Variants in SLBP observed in about 807,000 individuals in gnomAD.
The protein encoded by SLBP is stem-loop histone mRNA binding protein.
A neutral mutation model predicts 39.2 loss-of-function variants in SLBP; 29 were observed. That is an observed-to-expected ratio of 0.74 (90% CI 0.55 to 1.01). The LOEUF (loss-of-function observed/expected upper bound fraction) is 1.01. Ranked by LOEUF, SLBP falls within the 50% of genes least tolerant of loss-of-function variation. SLBP has a pLI of 0.00. For synonymous variants in SLBP, 129 were observed against 118.7 expected (o/e 1.09, Z -0.57); for missense variants, 390 against 350.2 (o/e 1.11, Z -0.91).
rs142859508 is a variant in SLBP at position 1,693,484 on chromosome 4, G to C, written c.*113C>G. 2 of 697,630 alleles carry C rather than the reference G, an allele frequency of 2.9e-6. No homozygotes were observed. Among genetic ancestry groups the C allele is most frequent in the Non-Finnish European group, 5.2e-6 (2 of 383,000 alleles). 43.2% of individuals were successfully genotyped at this position (697,630 alleles called of 1,614,324 possible). A position where few individuals can be genotyped will look rare whatever the true frequency, so the allele number is the denominator to read the frequency against. On this transcript the variant is annotated 3_prime_UTR_variant, in exon 8 of 8. Coordinates refer to ENST00000489418, the MANE Select transcript of SLBP (RefSeq NM_006527.4). Reference sequence around the variant, plus strand: ...CAAAAATAATTCAGCATGAGCTAATGGACTGCTAACAGAGAAACCACCAGG... The same window carrying C: ...CAAAAATAATTCAGCATGAGCTAATCGACTGCTAACAGAGAAACCACCAGG...
At chr4:1,710,376 T>C (rs1208643934) in intron 2 of SLBP, among the ~76,000 whole-genome samples, 1 of 152,216 alleles carries the variant, frequency 6.6e-6, no homozygotes, top group African/African-American at 2.4e-5. Context: ...ATGGCCCCAA[T>C]CAACAGCGTT....
intron 5 of SLBP, among the ~76,000 whole-genome samples, chr4:1,698,956 A>G (rs1716225895): frequency 1.3e-5 from 2 of 151,582 alleles, no homozygotes; most frequent in Non-Finnish European, 2.9e-5. Context: ...CACCTGGCTA[A>G]TTTTTAAATT....
intron 5 of SLBP, among the ~76,000 whole-genome samples, chr4:1,697,135 G>C (rs1471154612): frequency 7.4e-6 from 1 of 134,316 alleles, no homozygotes; most frequent in Non-Finnish European, 1.5e-5. Context: ...CTCCAGTCTG[G>C]TCAACAGAGC....
chr4:1,696,172 T>A, intron 6 of SLBP, 30 bp downstream of exon 6: 1 of 1,549,228 alleles, frequency 6.5e-7, no homozygotes, highest in Non-Finnish European at 8.7e-7. Flanking sequence ...AATCAGAGAA[T>A]CACAGGACAA....
Position 1,693,278 on chromosome 4 carries a change from T to G in SLBP, c.*319A>C. On this transcript the variant is annotated 3_prime_UTR_variant, in exon 8 of 8. Coordinates refer to ENST00000489418, the MANE Select transcript of SLBP (RefSeq NM_006527.4). The stretch of plus-strand genomic sequence containing the variant: ...CCACCTGACAAGCAATAACTGAAGA[T>G]GCCTGTGGAAAACCAGTTATGTAGA... 1 of 233,626 alleles carries G rather than the reference T, an allele frequency of 4.3e-6. No homozygotes were observed. The highest frequency in any genetic ancestry group is 6.8e-5 in the South Asian group (1 of 14,658). The allele number at this position is 233,626 out of a possible 1,614,324, so 14.5% of individuals were successfully genotyped here. A position where few individuals can be genotyped will look rare whatever the true frequency, so the allele number is the denominator to read the frequency against.
chr4:1,711,523 T>G (rs1716769230), intron 2 of SLBP, among the ~76,000 whole-genome samples: 1 of 152,164 alleles, frequency 6.6e-6, no homozygotes, highest in South Asian at 2.1e-4. Context: ...AGGTAAGCCC[T>G]GTCAACTCAC....
At chr4:1,695,686 C>G (rs777959898) in intron 6 of SLBP, among the ~76,000 whole-genome samples, 8 of 152,034 alleles carry the variant, frequency 5.3e-5, no homozygotes, top group South Asian at 2.1e-4. Flanking sequence ...GAGGCTGAGG[C>G]AGGAGAACCA....
chr4:1,704,042 C>T (rs531162368), intron 2 of SLBP, among the ~76,000 whole-genome samples: 15 of 152,168 alleles, frequency 9.9e-5, no homozygotes, highest in African/African-American at 3.1e-4. Context: ...GGCTGTCTTA[C>T]TAGAGCAGAA....
intron 5 of SLBP, among the ~76,000 whole-genome samples, chr4:1,697,507 C>T (rs1366071066): frequency 6.6e-6 from 1 of 151,690 alleles, no homozygotes; most frequent in Non-Finnish European, 1.5e-5. Context: ...TGAGATCCTA[C>T]AAAATGAACA....
At chr4:1,710,344 C>T (rs1021186144) in intron 2 of SLBP, among the ~76,000 whole-genome samples, 1 of 152,236 alleles carries the variant, frequency 6.6e-6, no homozygotes, top group African/African-American at 2.4e-5. Flanking sequence ...GCTGCTCCAG[C>T]CCATCTTCTC....
chr4:1,707,543 G>C (rs907776240), intron 2 of SLBP, among the ~76,000 whole-genome samples: 5 of 151,898 alleles, frequency 3.3e-5, no homozygotes, highest in Admixed American at 6.6e-5. Context: ...TTAAGGCTTC[G>C]AGCCCCAAAT....
At chr4:1,697,435 C>T (rs1370935665) in intron 5 of SLBP, among the ~76,000 whole-genome samples, 1 of 152,000 alleles carries the variant, frequency 6.6e-6, no homozygotes, top group Non-Finnish European at 1.5e-5. Context: ...TGCCACTGCA[C>T]TCCAGCCTGG....
chr4:1,711,172 C>T (rs926856172), intron 2 of SLBP, among the ~76,000 whole-genome samples: 2 of 150,808 alleles, frequency 1.3e-5, no homozygotes, highest in African/African-American at 2.4e-5. Context: ...TTTCCTTTCA[C>T]GCCTCCCATC....
At position 1,712,233 on chromosome 4, in the gene SLBP, G is replaced by A; in HGVS notation, c.-45C>T. 1.7e-6 allele frequency: 2 copies of A among 1,183,862 alleles called. No homozygotes were observed. The highest frequency in any genetic ancestry group is 2.2e-6 in the Non-Finnish European group (2 of 927,822). The allele number at this position is 1,183,862 out of a possible 1,614,324, so 73.3% of individuals were successfully genotyped here. ...GCAGCGCAGGGCCGAGGCTGAGGCG[G>A]CGGCGGCGCGGGCAGAGAGCGCAGA... On this transcript the variant is annotated 5_prime_UTR_variant, in exon 1 of 8. Coordinates refer to ENST00000489418, the MANE Select transcript of SLBP (RefSeq NM_006527.4).
At position 1,711,758 on chromosome 4, in the gene SLBP, G is replaced by A. The variant is rs1055399629; in HGVS notation, c.176+116C>T. ...GGGCCGCGCGGAGACCAAGATAAAA[G>A]GACGCAGGGTGCCGACCTGACCGAT... On this transcript the variant is annotated intron_variant, in intron 2 of 7. Transcript: ENST00000489418. 5 of 484,950 alleles carry A rather than the reference G, an allele frequency of 1.0e-5. No homozygotes were observed. The South Asian group carries it at 3.2e-4, about 31-fold the overall frequency. 30.0% of individuals were successfully genotyped at this position (484,950 alleles called of 1,614,324 possible). A position where few individuals can be genotyped will look rare whatever the true frequency, so the allele number is the denominator to read the frequency against.
Position 1,711,933 on chromosome 4 carries a change from G to C in SLBP, c.117C>G (p.Arg39=). The C allele has an allele frequency of 7.4e-7, 1 of 1,353,354 alleles. No homozygotes were observed. Among genetic ancestry groups the C allele is most frequent in the Non-Finnish European group, 9.5e-7 (1 of 1,052,444 alleles). The allele number at this position is 1,353,354 out of a possible 1,614,324, so 83.8% of individuals were successfully genotyped here. A position where few individuals can be genotyped will look rare whatever the true frequency, so the allele number is the denominator to read the frequency against. The change falls in exon 2 of 8, where the codon CGC becomes CGG. Residue 39 remains arginine (R), a synonymous_variant. Coordinates refer to ENST00000489418, the MANE Select transcript of SLBP (RefSeq NM_006527.4). ...CCTCCTCGGCGTCTTCGGGCCTCCA[G>C]CGCCTGCCGTCGGCTCTGCGCTTCC... ...LGRKRRADGR[R]WRPEDAEEAE... is the part of the protein sequence containing the mutation.
intron 2 of SLBP, among the ~76,000 whole-genome samples, chr4:1,703,917 AT>A (rs763647619): frequency 7.2e-5 from 11 of 152,206 alleles, no homozygotes; most frequent in Non-Finnish European, 1.2e-4. Flanking sequence ...ACCCAAAAAA[AT>A]AAAAGCATTA....
In SLBP at chr4:1,693,665, C is replaced by T. The variant is rs745735622; in HGVS notation, c.745G>A (p.Val249Met). 1 of 1,614,042 alleles carries T rather than the reference C, an allele frequency of 6.2e-7. No homozygotes were observed. Residue 249 changes from valine to methionine, a missense_variant, in exon 8 of 8, where the codon GTG becomes ATG. Val to Met is a conservative substitution (Grantham distance 21). Transcript: ENST00000489418. ...GCTTCCAAATCAAACTCATCCTCCA[C>T]TTGACTGTCCATGTGTCTCACCTTG... ...PTKVRHMDSQVEDEFDLEACL... is the reference protein window; with the variant it reads ...PTKVRHMDSQMEDEFDLEACL...
At chr4:1,704,014 C>T (rs1716428258) in intron 2 of SLBP, among the ~76,000 whole-genome samples, 1 of 152,156 alleles carries the variant, frequency 6.6e-6, no homozygotes, top group African/African-American at 2.4e-5. Flanking sequence ...AACCTATCAG[C>T]TGCATCTGTC....
Sources: gnomAD v4.1 joint callset for allele counts (sites outside exome capture counted in the v4.1 genomes callset) on GRCh38, gnomAD v4.1.1 for gene constraint, MANE v1.5 for transcripts, NCBI Gene and HGNC (gene_info 2026-07-23, HGNC 2026-07-21) for gene names.